The following B3GLCT variants were observed in gnomAD, a reference collection of about 807,000 sequenced individuals.
The protein encoded by B3GLCT is beta 3-glucosyltransferase, also known as beta-1,3-glucosyltransferase.
A neutral mutation model predicts 63.4 loss-of-function variants in B3GLCT; 65 were observed. The ratio of observed to expected loss-of-function variants is 1.03; its 90% CI spans 0.84 to 1.26. The LOEUF (loss-of-function observed/expected upper bound fraction) is 1.26. Ranked by LOEUF, B3GLCT falls within the 50% of genes most tolerant of loss-of-function variation. B3GLCT has a pLI of 0.00. For missense variants in B3GLCT, 577 were observed against 604.8 expected (o/e 0.95, Z 0.48); for synonymous variants, 233 against 219.2 (o/e 1.06, Z -0.55).
At chr13:31,203,718 A>G (rs9805871) in intron 1 of B3GLCT, among the ~76,000 whole-genome samples, 36,292 of 152,090 alleles carry the variant, frequency 0.24, 4,655 homozygotes, top group East Asian at 0.41. Flanking sequence ...CTTCTTAAGA[A>G]CAATATATGG....
intron 4 of B3GLCT, among the ~76,000 whole-genome samples, chr13:31,230,544 A>G (rs1870325320): frequency 6.6e-6 from 1 of 152,236 alleles, no homozygotes; most frequent in Non-Finnish European, 1.5e-5. Context: ...TGTTCTTAAT[A>G]TTTAAATGCT....
At chr13:31,262,389 C>T (rs1477738690) in intron 7 of B3GLCT, among the ~76,000 whole-genome samples, 1 of 152,268 alleles carries the variant, frequency 6.6e-6, no homozygotes, top group Non-Finnish European at 1.5e-5. Flanking sequence ...CTCCCGGCCC[C>T]TGCCAAGCAT....
intron 2 of B3GLCT, among the ~76,000 whole-genome samples, chr13:31,220,993 T>C (rs953523492): frequency 6.6e-6 from 1 of 152,202 alleles, no homozygotes; most frequent in African/African-American, 2.4e-5. Flanking sequence ...GTGTATTTTT[T>C]AAAGCATGCT....
At chr13:31,278,056 C>T (rs111408315) in intron 10 of B3GLCT, among the ~76,000 whole-genome samples, 2,401 of 151,876 alleles carry the variant, frequency 0.016, 64 homozygotes, top group African/African-American at 0.055. Context: ...TGAACTATAC[C>T]GCTTTTTGTT....
At chr13:31,290,334 GTGTCT>G (rs1290814355) in intron 12 of B3GLCT, among the ~76,000 whole-genome samples, 4 of 152,178 alleles carry the variant, frequency 2.6e-5, no homozygotes, top group African/African-American at 9.7e-5. Context: ...ATGTGTGCAT[GTGTCT>G]TTACAGTGGA....
At chr13:31,284,260 C>G (rs1427079734) in intron 10 of B3GLCT, among the ~76,000 whole-genome samples, 2 of 152,134 alleles carry the variant, frequency 1.3e-5, no homozygotes, top group Non-Finnish European at 2.9e-5. Context: ...TGGGGACATG[C>G]ATAGTTTGCA....
At chr13:31,250,082 T>C (rs2137810209) in intron 6 of B3GLCT, among the ~76,000 whole-genome samples, 1 of 152,342 alleles carries the variant, frequency 6.6e-6, no homozygotes, top group Non-Finnish European at 1.5e-5. Flanking sequence ...TTCTATAAAT[T>C]TTTGTATGTT....
At chr13:31,203,369 G>C (rs1593241102) in intron 1 of B3GLCT, among the ~76,000 whole-genome samples, 1 of 152,186 alleles carries the variant, frequency 6.6e-6, no homozygotes. Flanking sequence ...CCCAGGTCAT[G>C]GACTTGACCC....
At chr13:31,241,453 T>G (rs1211655870) in intron 4 of B3GLCT, among the ~76,000 whole-genome samples, 6 of 152,300 alleles carry the variant, frequency 3.9e-5, no homozygotes, top group East Asian at 1.9e-4. Context: ...GTGCCAGTGG[T>G]GTGTGATGCC....
chr13:31,225,312 T>G (rs902405470), intron 3 of B3GLCT, among the ~76,000 whole-genome samples: 1 of 152,168 alleles, frequency 6.6e-6, no homozygotes, highest in Non-Finnish European at 1.5e-5. Flanking sequence ...CTCTGTGGAC[T>G]GGGCAGCAGG....
At position 31,274,535 on chromosome 13, in the gene B3GLCT, C is replaced by T. The variant is rs750630351; in HGVS notation, c.687C>T (p.Gly229=). 2.0e-5 allele frequency: 33 copies of T among 1,614,168 alleles called. No individual in the cohort carries two copies. The highest frequency in any genetic ancestry group is 2.4e-5 in the Non-Finnish European group (28 of 1,180,002). ...HEIALYIWDK[G]GGPPLTPVPE... is the part of the protein sequence containing the mutation. Reference sequence around the variant, plus strand: ...TTGCCCTCTACATCTGGGACAAAGGCGGAGGACCTCCCCTGACCCCAGTGC... The same window carrying T: ...TTGCCCTCTACATCTGGGACAAAGGTGGAGGACCTCCCCTGACCCCAGTGC... The change falls in exon 9 of 15, where the codon GGC becomes GGT. Residue 229 remains glycine, a synonymous_variant. Transcript: ENST00000343307.
chr13:31,306,508 A>T (rs918289536), intron 12 of B3GLCT, among the ~76,000 whole-genome samples: 2 of 109,166 alleles, frequency 1.8e-5, no homozygotes, highest in Admixed American at 2.1e-4. Flanking sequence ...CAATGTACAA[A>T]AATCACAAGC....
chr13:31,276,804 T>A, intron 10 of B3GLCT, 33 bp downstream of exon 10: 3 of 1,463,728 alleles, frequency 2.0e-6, no homozygotes, highest in Non-Finnish European at 1.9e-6. Context: ...TATTGAACGC[T>A]AAAATCCAGA....
intron 1 of B3GLCT, among the ~76,000 whole-genome samples, chr13:31,200,680 G>T (rs1430597785): frequency 6.6e-6 from 1 of 151,970 alleles, no homozygotes; most frequent in African/African-American, 2.4e-5. Flanking sequence ...ACCCCCGGGG[G>T]CGAGGACTGC....
Position 31,299,741 on chromosome 13 carries a change from T to G in B3GLCT, c.1064+12922T>G, listed in dbSNP as rs537340385. 2.0e-5 allele frequency among the ~76,000 whole-genome samples: 3 copies of G among 152,312 alleles called. No individual in the cohort carries two copies. The South Asian group carries it at 6.2e-4, about 32-fold the overall frequency. On this transcript the variant is annotated intron_variant, in intron 12 of 14. Transcript: ENST00000343307. Reference sequence around the variant, plus strand: ...ACCACCTCAAGGAAGTCCACAGGGATACCTGCTTGTCAATTCCATTCACCT... The same window carrying G: ...ACCACCTCAAGGAAGTCCACAGGGAGACCTGCTTGTCAATTCCATTCACCT...
rs1414881410 is a variant in B3GLCT, at chr13:31,222,989, T to A, written c.158T>A (p.Ile53Lys). ...AGTGGTATATCAAGGAAAAATGACATAGGTAAGTAATGATTTTTTTTACCT... is the reference window on the plus strand; with the variant it reads ...AGTGGTATATCAAGGAAAAATGACAAAGGTAAGTAATGATTTTTTTTACCT... ...EKSGISRKND[I>K]DLKGIVFVIQ... is the part of the protein sequence containing the mutation. The change falls in exon 3 of 15, where the codon ATA becomes AAA. Residue 53 changes from isoleucine (I) to lysine (K), a missense_variant and splice_region_variant. Transcript: ENST00000343307. 1.3e-6 allele frequency: 2 copies of A among 1,500,708 alleles called. No individual in the cohort carries two copies. The highest frequency in any genetic ancestry group is 1.9e-6 in the Non-Finnish European group (2 of 1,077,736). 93.0% of individuals were successfully genotyped at this position (1,500,708 alleles called of 1,614,324 possible). A position where few individuals can be genotyped will look rare whatever the true frequency, so the allele number is the denominator to read the frequency against.
chr13:31,256,526 T>C (rs902617855), intron 6 of B3GLCT, among the ~76,000 whole-genome samples: 3 of 152,190 alleles, frequency 2.0e-5, no homozygotes, highest in Non-Finnish European at 4.4e-5. Context: ...CCAATCCAAA[T>C]GCTCATCAGT....
At chr13:31,282,104 G>A (rs1294707753) in intron 10 of B3GLCT, among the ~76,000 whole-genome samples, 3 of 152,156 alleles carry the variant, frequency 2.0e-5, no homozygotes, top group Non-Finnish European at 2.9e-5. Flanking sequence ...TATTGAAAAG[G>A]AGATAATGTA....
intron 3 of B3GLCT, among the ~76,000 whole-genome samples, chr13:31,226,626 A>G (rs1366749337): frequency 1.3e-5 from 2 of 151,782 alleles, no homozygotes; most frequent in Non-Finnish European, 2.9e-5. Flanking sequence ...TTAGAGATGT[A>G]GTCTTGCTGT....
Sources: gnomAD v4.1 joint callset for allele counts (sites outside exome capture counted in the v4.1 genomes callset) on GRCh38, gnomAD v4.1.1 for gene constraint, MANE v1.5 for transcripts, NCBI Gene and HGNC (gene_info 2026-07-23, HGNC 2026-07-21) for gene names.